STXBP5: variants seen among roughly 807,000 people sequenced by gnomAD.
STXBP5 encodes the protein syntaxin binding protein 5, also known as syntaxin-binding protein 5.
Under a neutral mutation model 152.4 loss-of-function variants are expected in STXBP5, and 50 were observed. That is an observed-to-expected ratio of 0.33 (90% CI 0.26 to 0.42). STXBP5 has a LOEUF of 0.42. STXBP5 is among the 10% of genes least tolerant of loss of function. STXBP5 has a pLI of 1.00. For missense variants in STXBP5, 1,167 were observed against 1,388.6 expected, an observed-to-expected ratio of 0.84 and a Z score of 2.54; for synonymous variants, 492 against 494.7, an observed-to-expected ratio of 0.99 and a Z score of 0.07.
chr6:147,348,013 G>A (rs947290399), intron 21 of STXBP5, among the ~76,000 whole-genome samples: 15 of 152,118 alleles, frequency 9.9e-5, no homozygotes, highest in Admixed American at 7.9e-4. Context: ...TAATAAGAAT[G>A]AATTATTTTT....
chr6:147,275,032 T>G (rs947569436), intron 7 of STXBP5, among the ~76,000 whole-genome samples: 1 of 152,098 alleles, frequency 6.6e-6, no homozygotes, highest in Non-Finnish European at 1.5e-5. Flanking sequence ...ATGTAAAATT[T>G]GATAGGTAAG....
At chr6:147,234,386 A>G (rs1232791787) in intron 2 of STXBP5, among the ~76,000 whole-genome samples, 2 of 151,622 alleles carry the variant, frequency 1.3e-5, no homozygotes, top group Non-Finnish European at 3.0e-5. Flanking sequence ...TTCTGTTTTG[A>G]TGTTTTTACT....
intron 23 of STXBP5, among the ~76,000 whole-genome samples, chr6:147,361,146 A>G (rs1785047144): frequency 6.6e-6 from 1 of 152,192 alleles, no homozygotes; most frequent in Non-Finnish European, 1.5e-5. Context: ...AAATGTTAAC[A>G]GGAGTTATCA....
At chr6:147,359,686 C>T (rs1486588856) in intron 23 of STXBP5, among the ~76,000 whole-genome samples, 2 of 147,994 alleles carry the variant, frequency 1.4e-5, no homozygotes, top group Non-Finnish European at 3.0e-5. Flanking sequence ...GTTCAGTTCC[C>T]ACCTATGAGT....
chr6:147,303,571 G>A (rs1347251859), intron 9 of STXBP5, among the ~76,000 whole-genome samples: 2 of 152,222 alleles, frequency 1.3e-5, no homozygotes, highest in African/African-American at 4.8e-5. Context: ...ATCCAAAAAT[G>A]TGGAAGTGAC....
intron 8 of STXBP5, among the ~76,000 whole-genome samples, chr6:147,282,915 A>G (rs926277226): frequency 1.3e-5 from 2 of 152,122 alleles, no homozygotes; most frequent in Admixed American, 6.5e-5. Flanking sequence ...CCTATATTAG[A>G]AGGAGGAGAA....
intron 17 of STXBP5, 44 bp from the exon 18 acceptor site, chr6:147,327,077 TGGAA>T (rs1331883595): frequency 2.4e-5 from 38 of 1,566,454 alleles, no homozygotes; most frequent in Admixed American, 2.2e-4. Flanking sequence ...TACATTTTTT[TGGAA>T]TTATTTGTTT....
chr6:147,231,448 A>G (rs192634901), intron 2 of STXBP5, among the ~76,000 whole-genome samples: 51 of 151,982 alleles, frequency 3.4e-4, no homozygotes, highest in African/African-American at 1.1e-3. Flanking sequence ...AAGAATTACT[A>G]GTGGGATTAG....
chr6:147,375,769 G>C (rs1785782396), intron 26 of STXBP5, among the ~76,000 whole-genome samples: 1 of 151,760 alleles, frequency 6.6e-6, no homozygotes, highest in South Asian at 2.1e-4. Flanking sequence ...TAGTACACCA[G>C]AGACAAAGAG....
chr6:147,253,362 A>G (rs1016234222), intron 4 of STXBP5, among the ~76,000 whole-genome samples: 2 of 152,214 alleles, frequency 1.3e-5, no homozygotes, highest in African/African-American at 2.4e-5. Context: ...CCGAATGGGC[A>G]AAAGCTGGAA....
intron 3 of STXBP5, among the ~76,000 whole-genome samples, chr6:147,236,740 C>T (rs966556180): frequency 2.0e-5 from 3 of 151,454 alleles, no homozygotes; most frequent in African/African-American, 7.3e-5. Flanking sequence ...TGAACTCCTG[C>T]TCACCCTCAG....
At chr6:147,230,334 T>G (rs1777934780) in intron 2 of STXBP5, among the ~76,000 whole-genome samples, 1 of 151,926 alleles carries the variant, frequency 6.6e-6, no homozygotes, top group Non-Finnish European at 1.5e-5. Context: ...AATACAGAAT[T>G]CTAGCTTTTT....
At chr6:147,265,121 A>C (rs1348373157) in intron 6 of STXBP5, among the ~76,000 whole-genome samples, 1 of 152,090 alleles carries the variant, frequency 6.6e-6, no homozygotes, top group Non-Finnish European at 1.5e-5. Context: ...AAGATATTTG[A>C]AAAGACTGGG....
At chr6:147,381,876 AAG>A (rs2128423397) in intron 26 of STXBP5, among the ~76,000 whole-genome samples, 1 of 152,250 alleles carries the variant, frequency 6.6e-6, no homozygotes, top group East Asian at 1.9e-4. Context: ...AAGAACTGCA[AAG>A]AGTGGGAATG....
At chr6:147,357,853 A>G (rs535003936) in intron 22 of STXBP5, among the ~76,000 whole-genome samples, 8 of 152,250 alleles carry the variant, frequency 5.3e-5, no homozygotes, top group African/African-American at 1.9e-4. Context: ...GGGGGAAATT[A>G]TATGGTTTGG....
intron 8 of STXBP5, among the ~76,000 whole-genome samples, chr6:147,287,819 A>G (rs1470303604): frequency 6.6e-6 from 1 of 152,222 alleles, no homozygotes; most frequent in African/African-American, 2.4e-5. Flanking sequence ...CGAAATATTG[A>G]AGTTTTATTA....
intron 2 of STXBP5, among the ~76,000 whole-genome samples, chr6:147,220,350 G>C (rs552221301): frequency 6.6e-6 from 1 of 152,072 alleles, no homozygotes; most frequent in South Asian, 2.1e-4. Context: ...GTGTTTTGCT[G>C]TTATTGGATA....
At chr6:147,362,256 CTT>C in intron 23 of STXBP5, among the ~76,000 whole-genome samples, 1 of 152,136 alleles carries the variant, frequency 6.6e-6, no homozygotes, top group East Asian at 1.9e-4. Context: ...ATCAGGAACT[CTT>C]TTTCTTAGAA....
intron 2 of STXBP5, among the ~76,000 whole-genome samples, chr6:147,222,161 A>G (rs560264531): frequency 6.6e-6 from 1 of 152,082 alleles, no homozygotes; most frequent in South Asian, 2.1e-4. Context: ...GTTGTTTGGT[A>G]TTGTGTACTT....
Sources: allele counts gnomAD v4.1 joint callset (sites outside exome capture counted in the v4.1 genomes callset), GRCh38; gene constraint gnomAD v4.1.1; transcripts MANE v1.5; gene names NCBI Gene and HGNC (gene_info 2026-07-23, HGNC 2026-07-21).